GFRA2: variants seen among roughly 807,000 people sequenced by gnomAD.
GFRA2 encodes GDNF family receptor alpha 2.
GFRA2 carries 17 observed loss-of-function variants against 48.3 expected under a neutral mutation model. The observed-to-expected ratio is 0.35, with a 90% confidence interval of 0.24 to 0.53. The LOEUF (loss-of-function observed/expected upper bound fraction) is 0.53. GFRA2 is among the 20% of genes least tolerant of loss of function. GFRA2 has a pLI of 0.93. For synonymous variants in GFRA2, 305 were observed against 257.2 expected (o/e 1.19, Z -1.78); for missense variants, 660 against 637.3 (o/e 1.04, Z -0.38).
chr8:21,812,168 G>A (rs997868101), intron 1 of GFRA2: 3 of 152,340 alleles, frequency 2.0e-5, no homozygotes, highest in Middle Eastern at 6.8e-3. Flanking sequence ...AGGCAGTCCT[G>A]GGACAGAAAT....
intron 4 of GFRA2, among the ~76,000 whole-genome samples, chr8:21,739,251 C>A (rs1214542761): frequency 1.3e-5 from 2 of 152,170 alleles, no homozygotes; most frequent in Non-Finnish European, 2.9e-5. Context: ...CTGCTCTAAG[C>A]AGGAGGATGC....
chr8:21,757,125 G>T (rs957729445), intron 3 of GFRA2, among the ~76,000 whole-genome samples: 18 of 152,180 alleles, frequency 1.2e-4, no homozygotes, highest in Non-Finnish European at 2.5e-4. Context: ...GGCCAGACCC[G>T]GGGAGCGCAG....
At chr8:21,715,273 AG>A (rs1186130952) in intron 4 of GFRA2, among the ~76,000 whole-genome samples, 3 of 152,122 alleles carry the variant, frequency 2.0e-5, no homozygotes, top group African/African-American at 4.8e-5. Context: ...GCTGGGGAAG[AG>A]GACTTCCTCG....
intron 1 of GFRA2, among the ~76,000 whole-genome samples, chr8:21,809,432 C>T (rs1437153468): frequency 1.3e-5 from 2 of 152,234 alleles, no homozygotes; most frequent in Non-Finnish European, 2.9e-5. Flanking sequence ...TCACGCCATT[C>T]TCCTGCCTCA....
At chr8:21,740,254 C>G (rs1341038011) in intron 4 of GFRA2, among the ~76,000 whole-genome samples, 1 of 152,184 alleles carries the variant, frequency 6.6e-6, no homozygotes, top group Non-Finnish European at 1.5e-5. Context: ...TCTCCTCAGC[C>G]ATCAAAGCCA....
intron 4 of GFRA2, among the ~76,000 whole-genome samples, chr8:21,707,994 G>A (rs926488100): frequency 1.3e-5 from 2 of 152,222 alleles, no homozygotes; most frequent in Non-Finnish European, 2.9e-5. Flanking sequence ...GAGCCTCAGA[G>A]AAGCTAAACA....
At position 21,809,616 on chromosome 8, in the gene GFRA2, C is replaced by T. The variant is rs142159481; in HGVS notation, c.-148+2615G>A. 5.1e-3 allele frequency among the ~76,000 whole-genome samples: 778 copies of T among 152,286 alleles called. 5 individuals carry two copies. The highest frequency in any genetic ancestry group is 0.02 in the Middle Eastern group (6 of 294). On this transcript the variant is annotated intron_variant, in intron 1 of 10. Coordinates refer to the GFRA2 transcript ENST00000517328. ...TGCTAGGATTACAGGCGTGAGCCACCGCGCCCGGCCAACAATTTGTATCTG... is the reference window on the plus strand; with the variant it reads ...TGCTAGGATTACAGGCGTGAGCCACTGCGCCCGGCCAACAATTTGTATCTG...
At chr8:21,804,128 A>G (rs1401730621) in intron 2 of GFRA2, among the ~76,000 whole-genome samples, 1 of 152,150 alleles carries the variant, frequency 6.6e-6, no homozygotes, top group Non-Finnish European at 1.5e-5. Flanking sequence ...GTCTCCAAAA[A>G]TCATTCGCTT....
At chr8:21,802,807 A>C (rs368614907) in intron 2 of GFRA2, among the ~76,000 whole-genome samples, 277 of 152,334 alleles carry the variant, frequency 1.8e-3, no homozygotes, top group African/African-American at 6.4e-3. Flanking sequence ...ATATACATAG[A>C]AATGGAGGTT....
At chr8:21,751,964 G>A (rs562386421) in intron 3 of GFRA2, among the ~76,000 whole-genome samples, 9 of 152,256 alleles carry the variant, frequency 5.9e-5, no homozygotes, top group East Asian at 3.9e-4. Context: ...CTCAGCCATC[G>A]GCGTTCAACT....
At chr8:21,780,411 A>T (rs1361806619) in intron 2 of GFRA2, among the ~76,000 whole-genome samples, 1 of 150,286 alleles carries the variant, frequency 6.7e-6, no homozygotes, top group Non-Finnish European at 1.5e-5. Context: ...TGTTCCTCCC[A>T]CCTCTCCCCA....
At chr8:21,700,349 G>C (rs1802411337) in intron 7 of GFRA2, among the ~76,000 whole-genome samples, 1 of 152,190 alleles carries the variant, frequency 6.6e-6, no homozygotes, top group African/African-American at 2.4e-5. Flanking sequence ...CCCAGAGAGG[G>C]GGCCAAAGCC....
intron 5 of GFRA2, 127 bp from the exon 6 acceptor site, chr8:21,705,252 A>G: frequency 1.2e-6 from 1 of 869,306 alleles, no homozygotes; most frequent in East Asian, 2.7e-5. Flanking sequence ...GCCCCAAAAC[A>G]CACATCCATC....
chr8:21,712,339 C>G (rs1344907244), intron 4 of GFRA2, among the ~76,000 whole-genome samples: 1 of 151,202 alleles, frequency 6.6e-6, no homozygotes, highest in Non-Finnish European at 1.5e-5. Context: ...GGGTCGCGGC[C>G]GGGCAGAGGC....
intron 7 of GFRA2, among the ~76,000 whole-genome samples, chr8:21,696,224 C>T (rs994035350): frequency 1.4e-5 from 2 of 147,690 alleles, no homozygotes; most frequent in Non-Finnish European, 3.0e-5. Flanking sequence ...CCTCTGTCCC[C>T]TCCCCTTTCC....
chr8:21,745,131 G>A (rs1038662802), intron 4 of GFRA2, among the ~76,000 whole-genome samples: 1 of 152,194 alleles, frequency 6.6e-6, no homozygotes, highest in Non-Finnish European at 1.5e-5. Flanking sequence ...TGCAGAGCCT[G>A]CTAAATCTCA....
chr8:21,796,071 G>A (rs1359690422), intron 2 of GFRA2, among the ~76,000 whole-genome samples: 1 of 152,194 alleles, frequency 6.6e-6, no homozygotes, highest in Non-Finnish European at 1.5e-5. Context: ...CAGGAGCTAA[G>A]CTAGTAAACC....
At chr8:21,810,123 C>G (rs1224776359) in intron 1 of GFRA2, among the ~76,000 whole-genome samples, 2 of 152,208 alleles carry the variant, frequency 1.3e-5, no homozygotes, top group African/African-American at 2.4e-5. Context: ...CCATAAAAAG[C>G]CAAATGCAAA....
chr8:21,787,266 G>C (rs1287461190), intron 1 of GFRA2, among the ~76,000 whole-genome samples: 1 of 149,524 alleles, frequency 6.7e-6, no homozygotes, highest in African/African-American at 2.5e-5. Flanking sequence ...GAGGCGGCGG[G>C]GGGGGCAGTG....
Sources: gnomAD v4.1 joint callset for allele counts (sites outside exome capture counted in the v4.1 genomes callset) on GRCh38, gnomAD v4.1.1 for gene constraint, MANE v1.5 for transcripts, NCBI Gene and HGNC (gene_info 2026-07-23, HGNC 2026-07-21) for gene names.